Variants in OFD1 observed in about 807,000 individuals in gnomAD.
OFD1 encodes the protein OFD1 centriole and centriolar satellite protein, also known as centriole and centriolar satellite protein OFD1.
Under a neutral mutation model 81.4 loss-of-function variants are expected in OFD1, and 12 were observed. The ratio of observed to expected loss-of-function variants is 0.15; its 90% confidence interval spans 0.09 to 0.24. The LOEUF (loss-of-function observed/expected upper bound fraction) is 0.24, where lower values mean the gene tolerates loss of function less well. OFD1 is among the 10% of genes least tolerant of loss of function. OFD1 has a pLI of 1.00. For missense variants in OFD1, 685 were observed against 733.9 expected, an observed-to-expected ratio of 0.93 and a Z score of 0.77; for synonymous variants, 256 against 263.7, an observed-to-expected ratio of 0.97 and a Z score of 0.28.
intron 9 of OFD1, among the ~76,000 whole-genome samples, chrX:13,750,141 G>T (rs748044705): frequency 1.6e-4 from 18 of 111,631 alleles, no homozygotes; most frequent in Non-Finnish European, 3.0e-4. Context: ...AAAGAATTTG[G>T]CTCCATTAAT....
intron 9 of OFD1, 140 bp from the exon 10 acceptor site, chrX:13,751,108 TC>T: frequency 7.6e-6 from 4 of 527,468 alleles, no homozygotes; most frequent in Non-Finnish European, 1.2e-5. Context: ...ACTGAGGACT[TC>T]TGGCTCTTTC....
downstream of OFD1, among the ~76,000 whole-genome samples, chrX:13,769,820 C>T (rs4830892): frequency 9.1e-6 from 1 of 110,335 alleles, no homozygotes; most frequent in African/African-American, 3.3e-5. Flanking sequence ...TCTTGGAAGC[C>T]GAGACCGGGC....
At chrX:13,766,655 G>A (rs975175476) in intron 19 of OFD1, among the ~76,000 whole-genome samples, 3 of 110,953 alleles carry the variant, frequency 2.7e-5, no homozygotes, top group South Asian at 3.8e-4. Context: ...GGGCAGTGGT[G>A]TGATTTCTGT....
chrX:13,757,536 T>G, intron 13 of OFD1, 124 bp from the exon 14 acceptor site: 2 of 693,384 alleles, frequency 2.9e-6, no homozygotes, highest in Non-Finnish European at 4.3e-6. Flanking sequence ...ATTATTATCA[T>G]ATTTATTGAG....
chrX:13,763,675 C>A, intron 18 of OFD1, 70 bp from the exon 19 acceptor site: 1 of 873,348 alleles, frequency 1.1e-6, no homozygotes, highest in Non-Finnish European at 1.7e-6. Context: ...CAGTTGCCCC[C>A]ACACTGCACT....
the OFD1 span, chrX:13,716,798 T>C: frequency 2.9e-6 from 2 of 697,282 alleles, no homozygotes; most frequent in Non-Finnish European, 4.2e-6. Context: ...TTTGCTTTTA[T>C]ACTTTGTTAT....
chrX:13,753,951 T>A (rs918625244), intron 11 of OFD1, among the ~76,000 whole-genome samples: 24 of 112,314 alleles, frequency 2.1e-4, no homozygotes, highest in African/African-American at 7.8e-4. Context: ...GTTGAATAAT[T>A]TTTCAATCTT....
At chrX:13,746,195 G>T in intron 6 of OFD1, 124 bp from the exon 7 acceptor site, 1 of 577,007 alleles carries the variant, frequency 1.7e-6, no homozygotes, top group Non-Finnish European at 2.9e-6. Context: ...GTATTTCAAA[G>T]TAAGTTGCAG....
At position 13,760,282 on chromosome X, in the gene OFD1, A is replaced by C; in HGVS notation, c.1822A>C (p.Ile608Leu). 1 of 1,211,837 alleles carries C rather than the reference A, an allele frequency of 8.3e-7. No individual in the cohort carries two copies. Among genetic ancestry groups the C allele is most frequent in the Non-Finnish European group, 1.1e-6 (1 of 895,382 alleles). The stretch of plus-strand genomic sequence containing the variant: ...TCTAGCACGTATGGTTGCATCAAGG[A>C]TCACAAATTATCCAACTGCATGGGT... ...NVLARMVASR[I>L]TNYPTAWVEG... is the part of the protein sequence containing the mutation. The change falls in exon 16 of 23, where the codon ATC (isoleucine) becomes CTC (leucine). Residue 608 changes from isoleucine (I) to leucine (L), a missense_variant. Coordinates refer to ENST00000340096, the MANE Select transcript of OFD1 (RefSeq NM_003611.3).
chrX:13,763,095 T>C (rs1335285499), intron 18 of OFD1, among the ~76,000 whole-genome samples: 1 of 112,765 alleles, frequency 8.9e-6, no homozygotes, highest in East Asian at 2.7e-4. Context: ...TTAAATATAC[T>C]GATTCAGTTG....
chrX:13,767,061 G>A, intron 19 of OFD1, 66 bp from the exon 20 acceptor site: 3 of 1,120,272 alleles, frequency 2.7e-6, no homozygotes, highest in Non-Finnish European at 2.5e-6. Flanking sequence ...GGCTCCTGCA[G>A]ACTGGTCCTG....
At chrX:13,738,252 T>C (rs762396352) in intron 3 of OFD1, among the ~76,000 whole-genome samples, 53 of 112,855 alleles carry the variant, frequency 4.7e-4, no homozygotes, top group African/African-American at 1.7e-3. Flanking sequence ...GAATTAATCC[T>C]ATTCATACAA....
chrX:13,715,444 G>A, the OFD1 span: 1 of 113,135 alleles, frequency 8.8e-6, no homozygotes, highest in Non-Finnish European at 1.9e-5. Flanking sequence ...CTGCACTCCA[G>A]CCTGGGTGAC....
At chrX:13,753,477 G>T in intron 11 of OFD1, 36 bp downstream of exon 11, 1 of 1,190,298 alleles carries the variant, frequency 8.4e-7, no homozygotes, top group Non-Finnish European at 1.1e-6. Context: ...GTATTTTTCA[G>T]TTCTGCTGTA....
intron 10 of OFD1, 197 bp from the exon 11 acceptor site, chrX:13,753,171 G>C (rs1257624455): frequency 9.5e-7 from 1 of 1,048,373 alleles, no homozygotes; most frequent in Non-Finnish European, 1.2e-6. Context: ...CAGTTTATAG[G>C]ATCAAGGAAG....
upstream of OFD1, chrX:13,734,693 C>A (rs16979167): frequency 1.4e-3 from 1,314 of 962,368 alleles, 9 homozygotes; most frequent in African/African-American, 0.023. Context: ...AGCTCATGCG[C>A]CGTAGCTCTT....
downstream of OFD1, chrX:13,771,832 G>A (rs2048304311): frequency 8.9e-6 from 1 of 111,863 alleles, no homozygotes; most frequent in Non-Finnish European, 1.9e-5. Context: ...ATTTAGATAA[G>A]AAAAAAATGA....
intron 17 of OFD1, among the ~76,000 whole-genome samples, chrX:13,761,819 A>G (rs1450511830): frequency 9.1e-6 from 1 of 109,733 alleles, no homozygotes; most frequent in Non-Finnish European, 1.9e-5. Context: ...AGCAGAGGGA[A>G]CTGACTCCTT....
At chrX:13,772,678 T>C (rs2048322839), downstream of OFD1, 1 of 356,563 alleles carries the variant, frequency 2.8e-6, no homozygotes, top group Non-Finnish European at 4.9e-6. Flanking sequence ...ATGGCTAACA[T>C]GAAACCTCCA....
Sources: allele counts gnomAD v4.1 joint callset (sites outside exome capture counted in the v4.1 genomes callset), GRCh38; gene constraint gnomAD v4.1.1; transcripts MANE v1.5; gene names NCBI Gene and HGNC (gene_info 2026-07-23, HGNC 2026-07-21).